Variants in SSX2IP observed in about 807,000 individuals in gnomAD.
SSX2IP encodes the protein SSX family member 2 interacting protein, also known as afadin- and alpha-actinin-binding protein.
A neutral mutation model predicts 84.9 loss-of-function variants in SSX2IP; 55 were observed. The ratio of observed to expected loss-of-function variants is 0.65; its 90% confidence interval spans 0.52 to 0.81. SSX2IP has a LOEUF of 0.81. Ranked by LOEUF, SSX2IP falls within the 30% of genes least tolerant of loss-of-function variation. The pLI, the probability that SSX2IP is intolerant of heterozygous loss-of-function variation, is 0.00. For synonymous variants in SSX2IP, 239 were observed against 234.7 expected (o/e 1.02, Z -0.17); for missense variants, 664 against 705.2 (o/e 0.94, Z 0.66).
rs1652084324 is a variant in SSX2IP at position 84,662,142 on chromosome 1, T to C, written c.927+56A>G. 7 of 1,213,982 alleles carry C rather than the reference T, an allele frequency of 5.8e-6. No homozygotes were observed. The Admixed American group carries it at 9.7e-5, about 17-fold the overall frequency. 75.2% of individuals were successfully genotyped at this position (1,213,982 alleles called of 1,614,324 possible). A position where few individuals can be genotyped will look rare whatever the true frequency, so the allele number is the denominator to read the frequency against. On this transcript the variant is annotated intron_variant, in intron 8 of 13. Transcript: ENST00000342203. ...CCATTGAGAATGCCTACCACATATTTTAATTATTCTTATTAGCAATCTGAA... is the reference window on the plus strand; with the variant it reads ...CCATTGAGAATGCCTACCACATATTCTAATTATTCTTATTAGCAATCTGAA...
At chr1:84,653,047 CAAAA>C (rs904082221) in intron 11 of SSX2IP, among the ~76,000 whole-genome samples, 3 of 151,574 alleles carry the variant, frequency 2.0e-5, no homozygotes, top group Non-Finnish European at 4.4e-5. Context: ...AAAACAAAAA[CAAAA>C]AAACTAAGAA....
intron 11 of SSX2IP, chr1:84,655,464 C>CT: frequency 7.7e-7 from 1 of 1,297,326 alleles, no homozygotes; most frequent in Non-Finnish European, 1.0e-6. Flanking sequence ...ATTATACTTC[C>CT]TTTTTAAACA....
rs150095079 is a variant in SSX2IP at position 84,680,071 on chromosome 1, T to C, written c.-89-8763A>G. 7.9e-5 allele frequency among the ~76,000 whole-genome samples: 12 copies of C among 152,338 alleles called. 1 individual carries two copies. In the East Asian group the frequency reaches 2.3e-3, roughly 29 times the overall value. Reference sequence around the variant, plus strand: ...ATCTATCTCCCAGTTGGGCTCAGACTGCATAAAATAGTGTGAACACATAAA... The same window carrying C: ...ATCTATCTCCCAGTTGGGCTCAGACCGCATAAAATAGTGTGAACACATAAA... On this transcript the variant is annotated intron_variant, in intron 1 of 13. Coordinates refer to ENST00000342203, the MANE Select transcript of SSX2IP (RefSeq NM_001166293.2).
At chr1:84,688,608 C>A (rs965705739) in intron 1 of SSX2IP, among the ~76,000 whole-genome samples, 1 of 152,164 alleles carries the variant, frequency 6.6e-6, no homozygotes, top group Non-Finnish European at 1.5e-5. Flanking sequence ...ACTAGGAGAT[C>A]CCAAGTATAC....
chr1:84,660,696 C>T (rs1392592083), intron 8 of SSX2IP, among the ~76,000 whole-genome samples: 1 of 151,782 alleles, frequency 6.6e-6, no homozygotes, highest in Non-Finnish European at 1.5e-5. Flanking sequence ...ACCCGAGAGG[C>T]AGAGATTGCA....
intron 8 of SSX2IP, among the ~76,000 whole-genome samples, chr1:84,660,670 C>T (rs1651816046): frequency 6.6e-6 from 1 of 151,878 alleles, no homozygotes; most frequent in Admixed American, 6.6e-5. Context: ...GAGGCTGAGG[C>T]AGGAGAATTG....
chr1:84,655,227 A>G (rs1039276462), intron 11 of SSX2IP: 85 of 595,702 alleles, frequency 1.4e-4, no homozygotes, highest in Middle Eastern at 1.7e-3. Context: ...TTTTAACAGC[A>G]GTTACCTCTA....
intron 4 of SSX2IP, among the ~76,000 whole-genome samples, chr1:84,667,554 T>C (rs1652940045): frequency 6.6e-6 from 1 of 152,090 alleles, no homozygotes; most frequent in Non-Finnish European, 1.5e-5. Context: ...TATTTACACA[T>C]TGTCTTCCTC....
intron 11 of SSX2IP, 81 bp from the exon 12 acceptor site, chr1:84,652,078 CTTTG>C: frequency 2.0e-6 from 2 of 1,015,280 alleles, no homozygotes; most frequent in African/African-American, 1.6e-5. Flanking sequence ...CTCTAGCTAT[CTTTG>C]TTTGCTCTCT....
intron 4 of SSX2IP, 129 bp from the exon 5 acceptor site, chr1:84,666,361 A>G: frequency 7.6e-6 from 5 of 659,436 alleles, no homozygotes; most frequent in South Asian, 7.2e-5. Context: ...TTAGTGGCAC[A>G]TGAAATGTTT....
intron 2 of SSX2IP, 57 bp from the exon 3 acceptor site, chr1:84,670,872 CAT>C (rs1194630815): frequency 1.9e-5 from 25 of 1,349,674 alleles, no homozygotes; most frequent in Admixed American, 4.2e-5. Flanking sequence ...GTAAAGCTAA[CAT>C]AATCGCCATT....
At chr1:84,657,486 A>G (rs1300767439) in intron 9 of SSX2IP, among the ~76,000 whole-genome samples, 1 of 152,236 alleles carries the variant, frequency 6.6e-6, no homozygotes, top group South Asian at 2.1e-4. Flanking sequence ...GGAACATAGT[A>G]ATCTGCAAGC....
chr1:84,669,681 C>G lies in SSX2IP; in HGVS notation c.426G>C (p.Lys142Asn), dbSNP rs1302796353. Reference sequence around the variant, plus strand: ...TAAAATATGGATCTGCAATTTCTACCTTAAGTTTTGAGTAGCAGCTCTGTA... The same window carrying G: ...TAAAATATGGATCTGCAATTTCTACGTTAAGTTTTGAGTAGCAGCTCTGTA... ...DHLQSCYSKLKEQLETSRREM... is the reference protein window; with the variant it reads ...DHLQSCYSKLNEQLETSRREM... Residue 142 changes from lysine (K) to asparagine (N), a missense_variant and splice_region_variant, in exon 4 of 14, where the codon AAG becomes AAC. Physicochemically the swap from Lys to Asn is moderately conservative, Grantham distance 94. Transcript: ENST00000342203. 6.2e-7 allele frequency: 1 copy of G among 1,611,878 alleles called. No homozygotes were observed. Among genetic ancestry groups the G allele is most frequent in the Non-Finnish European group, 8.5e-7 (1 of 1,178,626 alleles).
At chr1:84,673,119 A>G (rs138533018) in intron 1 of SSX2IP, among the ~76,000 whole-genome samples, 10 of 152,362 alleles carry the variant, frequency 6.6e-5, no homozygotes, top group Non-Finnish European at 1.3e-4. Context: ...CATGTTCTCA[A>G]GAAGTGAAGT....
rs768732160 is a variant in SSX2IP at position 84,664,429 on chromosome 1, C to T, written c.661G>A (p.Asp221Asn). 8.0e-5 allele frequency: 127 copies of T among 1,580,252 alleles called. 2 individuals are homozygous for T. The South Asian group carries it at 1.5e-3, about 18-fold the overall frequency. ...GCCAGCTGTTTACCTATTTTCTTAT[C>T]TTTCTTGTTCATAACAAGTTGATGT... ...RLHQLVMNKK[D>N]KKIAMDILNY... The change falls in exon 6 of 14, where the codon GAT (aspartate) becomes AAT (asparagine). Residue 221 changes from aspartate (D) to asparagine (N), a missense_variant. Physicochemically the swap from Asp to Asn is conservative, Grantham distance 23. Transcript: ENST00000342203.
chr1:84,661,431 A>G (rs968424666), intron 8 of SSX2IP, among the ~76,000 whole-genome samples: 1 of 151,964 alleles, frequency 6.6e-6, no homozygotes, highest in East Asian at 1.9e-4. Flanking sequence ...TTTAACCTCA[A>G]AAATACTTAT....
At chr1:84,661,590 G>A (rs1651992812) in intron 8 of SSX2IP, among the ~76,000 whole-genome samples, 1 of 152,090 alleles carries the variant, frequency 6.6e-6, no homozygotes, top group Admixed American at 6.5e-5. Flanking sequence ...AGAGCTTCTT[G>A]AGGGAAAAAG....
chr1:84,689,088 G>A (rs1656212959), intron 1 of SSX2IP, among the ~76,000 whole-genome samples: 1 of 152,182 alleles, frequency 6.6e-6, no homozygotes. Flanking sequence ...AAGCCTGTAG[G>A]TTGATAGTTT....
chr1:84,649,791 A>G (rs1166716100), intron 13 of SSX2IP: 1 of 365,344 alleles, frequency 2.7e-6, no homozygotes, highest in Admixed American at 3.8e-5. Flanking sequence ...ATCTTAGAAA[A>G]TGATATAATA....
Sources: gnomAD v4.1 joint callset for allele counts (sites outside exome capture counted in the v4.1 genomes callset) on GRCh38, gnomAD v4.1.1 for gene constraint, MANE v1.5 for transcripts, NCBI Gene and HGNC (gene_info 2026-07-23, HGNC 2026-07-21) for gene names.